Variants in GRB2 observed in about 807,000 individuals in gnomAD.
The protein encoded by GRB2 is growth factor receptor-bound protein 2.
Under a neutral mutation model 27.4 loss-of-function variants are expected in GRB2, and 2 were observed. That is an observed-to-expected ratio of 0.07 (90% CI 0.03 to 0.23). The LOEUF is 0.23. GRB2 is among the 10% of genes least tolerant of loss of function. The pLI is 1.00. For synonymous variants in GRB2, 94 were observed against 99.6 expected, an observed-to-expected ratio of 0.94 and a Z score of 0.33; for missense variants, 102 against 282.4, an observed-to-expected ratio of 0.36 and a Z score of 4.58.
chr17:75,396,597 AG>A (rs1376189576), intron 1 of GRB2, among the ~76,000 whole-genome samples: 15 of 150,954 alleles, frequency 9.9e-5, no homozygotes, highest in Non-Finnish European at 1.3e-4. Flanking sequence ...TTTAAGACCC[AG>A]GCTGGTCTCA....
chr17:75,334,627 T>A (rs565039603), intron 2 of GRB2, among the ~76,000 whole-genome samples: 1 of 152,170 alleles, frequency 6.6e-6, no homozygotes, highest in East Asian at 1.9e-4. Context: ...AGATTAATGA[T>A]GACTAGTAGT....
At chr17:75,382,147 C>T (rs559675035) in intron 2 of GRB2, among the ~76,000 whole-genome samples, 1 of 151,690 alleles carries the variant, frequency 6.6e-6, no homozygotes, top group East Asian at 1.9e-4. Flanking sequence ...CACTTGAACT[C>T]GGGAGGCAGA....
At chr17:75,327,044 A>G (rs1479260709) in intron 3 of GRB2, among the ~76,000 whole-genome samples, 1 of 151,858 alleles carries the variant, frequency 6.6e-6, no homozygotes, top group Non-Finnish European at 1.5e-5. Flanking sequence ...TAGTCCATTA[A>G]AGTTGTAAAT....
chr17:75,380,476 TGTGA>T (rs1204096836), intron 2 of GRB2, among the ~76,000 whole-genome samples: 1 of 152,164 alleles, frequency 6.6e-6, no homozygotes, highest in Admixed American at 6.5e-5. Context: ...TTGCAGTATA[TGTGA>T]GTAAGGATGT....
At chr17:75,357,522 T>C (rs1003425734) in intron 2 of GRB2, among the ~76,000 whole-genome samples, 1 of 152,236 alleles carries the variant, frequency 6.6e-6, no homozygotes, top group Admixed American at 6.5e-5. Context: ...TAAAGTTGTC[T>C]TCTTTTAAAG....
chr17:75,328,595 T>G (rs1431567819), intron 3 of GRB2, among the ~76,000 whole-genome samples: 1 of 150,250 alleles, frequency 6.7e-6, no homozygotes, highest in Non-Finnish European at 1.5e-5. Flanking sequence ...TGAGCCGAGA[T>G]CGTGCCATTG....
chr17:75,330,914 G>C (rs369084818), intron 3 of GRB2, among the ~76,000 whole-genome samples: 2 of 152,114 alleles, frequency 1.3e-5, no homozygotes, highest in African/African-American at 2.4e-5. Flanking sequence ...CAATCATTTT[G>C]TAGTCTAATT....
At chr17:75,398,039 G>A (rs929448819) in intron 1 of GRB2, among the ~76,000 whole-genome samples, 2 of 151,710 alleles carry the variant, frequency 1.3e-5, no homozygotes, top group Admixed American at 6.6e-5. Context: ...ATGGGGTTTC[G>A]CCATGTTGGC....
In GRB2 at chr17:75,343,931, ACCTGTAC is replaced by A. The variant is rs531564092; in HGVS notation, c.79-11141_79-11135del. On this transcript the variant is annotated intron_variant, in intron 2 of 5. Transcript: ENST00000316804. ...TGAAAAATTCAACAATCATATGATG[ACCTGTAC>A]TAGACAAACACCAAGCCCTGGGCTA... Among the ~76,000 whole-genome samples the A allele has an allele frequency of 1.6e-4, 25 of 152,316 alleles. No individual in the cohort carries two copies. In the East Asian group the frequency reaches 4.6e-3, roughly 28 times the overall value.
chr17:75,332,756 C>G lies in GRB2; in HGVS notation c.120G>C (p.Glu40Asp). ...GAATGAAGCCGTCTTTTCCATTAAGCTCTGCCTTGTACCAGTTCTGATCAC... is the reference window on the plus strand; with the variant it reads ...GAATGAAGCCGTCTTTTCCATTAAGGTCTGCCTTGTACCAGTTCTGATCAC... Reference protein sequence around the residue: ...EECDQNWYKAELNGKDGFIPK... With the variant: ...EECDQNWYKADLNGKDGFIPK... Residue 40 changes from glutamate to aspartate, a missense_variant, in exon 3 of 6, where the codon GAG (glutamate) becomes GAC (aspartate). Glu to Asp is a conservative substitution (Grantham distance 45, BLOSUM62 2). Around this residue, in one of 3 missense-constraint regions of GRB2, gnomAD observed 45 missense variants for 110.6 expected, o/e 0.41. Coordinates refer to ENST00000316804, the MANE Select transcript of GRB2 (RefSeq NM_002086.5). 6.2e-7 allele frequency: 1 copy of G among 1,612,524 alleles called. No individual in the cohort carries two copies.
intron 1 of GRB2, among the ~76,000 whole-genome samples, chr17:75,399,772 C>G (rs1052614948): frequency 6.6e-6 from 1 of 152,002 alleles, no homozygotes; most frequent in Non-Finnish European, 1.5e-5. Flanking sequence ...CAGGTTCATG[C>G]CATTCTCCTG....
At chr17:75,345,026 GT>G (rs200713918) in intron 2 of GRB2, among the ~76,000 whole-genome samples, 3 of 151,446 alleles carry the variant, frequency 2.0e-5, no homozygotes, top group Non-Finnish European at 2.9e-5. Flanking sequence ...GACAACAGAG[GT>G]TTTTTTTTAA....
chr17:75,330,605 C>A (rs932858107), intron 3 of GRB2, among the ~76,000 whole-genome samples: 2 of 151,364 alleles, frequency 1.3e-5, no homozygotes, highest in African/African-American at 4.9e-5. Context: ...ACCCAGCAGG[C>A]GGAGGTTGCA....
At chr17:75,379,201 A>G (rs1017798012) in intron 2 of GRB2, among the ~76,000 whole-genome samples, 1 of 152,160 alleles carries the variant, frequency 6.6e-6, no homozygotes, top group Non-Finnish European at 1.5e-5. Flanking sequence ...GAAAACCTGA[A>G]TAGTGATTTT....
At position 75,332,800 on chromosome 17, in the gene GRB2, G is replaced by GA; in HGVS notation, c.79-4dup. ...TGATCACATTCTTCGTTCAAAACCT[G>GA]AAAAGAAATAAGACAACAAAAAAAC... On this transcript the variant is annotated splice_polypyrimidine_tract_variant and splice_region_variant and intron_variant, in intron 2 of 5. Transcript: ENST00000316804. 1.3e-6 allele frequency: 2 copies of GA among 1,579,910 alleles called. No homozygotes were observed. Among genetic ancestry groups the GA allele is most frequent in the Non-Finnish European group, 1.7e-6 (2 of 1,155,162 alleles).
At chr17:75,386,068 A>G (rs2078961936) in intron 2 of GRB2, among the ~76,000 whole-genome samples, 1 of 152,200 alleles carries the variant, frequency 6.6e-6, no homozygotes, top group Non-Finnish European at 1.5e-5. Flanking sequence ...ATTGAAATAA[A>G]CATCCTTATG....
In GRB2 at chr17:75,320,692, C is replaced by T; in HGVS notation, c.469-139G>A. 1.6e-6 allele frequency: 1 copy of T among 636,788 alleles called. No homozygotes were observed. Among genetic ancestry groups the T allele is most frequent in the Non-Finnish European group, 2.8e-6 (1 of 357,296 alleles). The allele number at this position is 636,788 out of a possible 1,614,324, so 39.4% of individuals were successfully genotyped here. ...CTTAAACTCACCTCCCATCTCCCAA[C>T]CCCCCGTTTATTCTTACCTATTCTA... On this transcript the variant is annotated intron_variant, in intron 5 of 5. Coordinates refer to ENST00000316804, the MANE Select transcript of GRB2 (RefSeq NM_002086.5). The surrounding 1 kb of genome is among the most constrained non-coding windows in gnomAD (Gnocchi z 4.3).
intron 1 of GRB2, among the ~76,000 whole-genome samples, chr17:75,399,228 G>T (rs936468705): frequency 6.6e-6 from 1 of 150,658 alleles, no homozygotes; most frequent in African/African-American, 2.4e-5. Context: ...TTGTGTGTGT[G>T]TGTGTGTGGT....
chr17:75,393,910 C>T (rs562087831), intron 1 of GRB2, 145 bp from the exon 2 acceptor site: 15 of 487,170 alleles, frequency 3.1e-5, no homozygotes, highest in Non-Finnish European at 4.0e-5. Context: ...ACAGCCCCCC[C>T]CCGCCGACTT....
Sources: allele counts gnomAD v4.1 joint callset (sites outside exome capture counted in the v4.1 genomes callset), GRCh38; gene constraint gnomAD v4.1.1; regional missense constraint gnomAD v4.1.1; non-coding constraint Gnocchi (gnomAD v3.1); transcripts MANE v1.5; gene names NCBI Gene and HGNC (gene_info 2026-07-23, HGNC 2026-07-21).